The following EAF2 variants were observed in gnomAD, a reference collection of about 807,000 sequenced individuals.
EAF2 encodes ELL-associated factor 2.
A neutral mutation model predicts 29.4 loss-of-function variants in EAF2; 29 were observed. The ratio of observed to expected loss-of-function variants is 0.99; its 90% CI spans 0.73 to 1.35. The LOEUF is 1.35. Ranked by LOEUF, EAF2 falls within the 40% of genes most tolerant of loss-of-function variation. The pLI, the probability that EAF2 is intolerant of heterozygous loss-of-function variation, is 0.00. For missense variants in EAF2, 292 were observed against 312.0 expected, an observed-to-expected ratio of 0.94 and a Z score of 0.48; for synonymous variants, 103 against 102.5, an observed-to-expected ratio of 1.00 and a Z score of -0.03.
chr3:121,883,251 A>T (rs1559832316), intron 5 of EAF2, among the ~76,000 whole-genome samples: 1 of 152,188 alleles, frequency 6.6e-6, no homozygotes, highest in Non-Finnish European at 1.5e-5. Context: ...AAGTATATGC[A>T]TATATATTAA....
intron 1 of EAF2, 36 bp from the exon 2 acceptor site, chr3:121,844,417 C>T: frequency 3.2e-6 from 4 of 1,261,906 alleles, no homozygotes; most frequent in East Asian, 2.4e-5. Context: ...AATATCATTA[C>T]ATTTTACAAA....
At chr3:121,882,573 C>G (rs981469373) in intron 5 of EAF2, among the ~76,000 whole-genome samples, 7 of 151,352 alleles carry the variant, frequency 4.6e-5, no homozygotes, top group Non-Finnish European at 7.4e-5. Flanking sequence ...TACAATAAAA[C>G]AAGTAAAAGA....
chr3:121,878,399 G>A (rs1260514798), intron 5 of EAF2, among the ~76,000 whole-genome samples: 2 of 151,906 alleles, frequency 1.3e-5, no homozygotes, highest in Admixed American at 6.6e-5. Context: ...CCTTTTTGGG[G>A]GGTTAAGAAC....
At chr3:121,880,569 TTGA>T (rs1344433239) in intron 5 of EAF2, among the ~76,000 whole-genome samples, 1 of 152,156 alleles carries the variant, frequency 6.6e-6, no homozygotes, top group Non-Finnish European at 1.5e-5. Context: ...TTTTTGTATG[TTGA>T]TTTTTGTATC....
At chr3:121,851,774 TAAC>T (rs1708637266) in intron 2 of EAF2, among the ~76,000 whole-genome samples, 1 of 152,146 alleles carries the variant, frequency 6.6e-6, no homozygotes, top group Non-Finnish European at 1.5e-5. Context: ...GGGAGGAGAA[TAAC>T]AATAATCTAG....
intron 5 of EAF2, among the ~76,000 whole-genome samples, chr3:121,874,290 T>C (rs1025806188): frequency 1.3e-5 from 2 of 151,780 alleles, no homozygotes; most frequent in African/African-American, 2.4e-5. Flanking sequence ...ATTGGTAAAC[T>C]ATGGGTTAAT....
chr3:121,856,658 TTTTA>T (rs1708724203), intron 3 of EAF2, among the ~76,000 whole-genome samples: 1 of 152,218 alleles, frequency 6.6e-6, no homozygotes, highest in East Asian at 1.9e-4. Context: ...TTTTTATTAT[TTTTA>T]TACAGACAGG....
intron 1 of EAF2, chr3:121,836,724 C>G (rs1159363593): frequency 2.8e-5 from 28 of 987,460 alleles, no homozygotes; most frequent in Admixed American, 2.5e-4. Context: ...GTGTGATATG[C>G]GTCTTTATCT....
rs114755262 is a variant in EAF2 at position 121,839,104 on chromosome 3, A to G, written c.106+3713A>G. ...AAAACAGAGGTTATAGATTAATAGC[A>G]TATAGGCTGAGCTTGACTTTAGAAG... On this transcript the variant is annotated intron_variant, in intron 1 of 5. Transcript: ENST00000273668. Among the ~76,000 whole-genome samples the G allele has an allele frequency of 1.8e-3, 277 of 152,330 alleles. 1 individual carries two copies. The highest frequency in any genetic ancestry group is 6.1e-3 in the African/African-American group (252 of 41,578).
intron 4 of EAF2, among the ~76,000 whole-genome samples, chr3:121,858,253 C>G (rs1418899297): frequency 6.6e-6 from 1 of 152,276 alleles, no homozygotes; most frequent in Non-Finnish European, 1.5e-5. Context: ...ACACAGTCTT[C>G]CGCAATGGTT....
chr3:121,861,635 CTG>C (rs1444860976), intron 4 of EAF2, among the ~76,000 whole-genome samples: 1 of 152,110 alleles, frequency 6.6e-6, no homozygotes, highest in African/African-American at 2.4e-5. Context: ...ATTTGCCAGT[CTG>C]TGTCTTTTAA....
At chr3:121,843,194 G>T (rs138556405) in intron 1 of EAF2, among the ~76,000 whole-genome samples, 35 of 152,250 alleles carry the variant, frequency 2.3e-4, no homozygotes, top group African/African-American at 8.4e-4. Flanking sequence ...GTTAAGCATG[G>T]TGCCTGGCAT....
intron 4 of EAF2, among the ~76,000 whole-genome samples, chr3:121,861,299 G>A (rs1455573263): frequency 6.6e-6 from 1 of 152,124 alleles, no homozygotes; most frequent in Non-Finnish European, 1.5e-5. Context: ...TATTGTTTGG[G>A]AGTCTAAGTC....
intron 2 of EAF2, among the ~76,000 whole-genome samples, chr3:121,845,860 A>G (rs900468902): frequency 1.3e-5 from 2 of 152,182 alleles, no homozygotes; most frequent in Non-Finnish European, 2.9e-5. Context: ...GGTACCAAAT[A>G]CTATTCGCAT....
intron 1 of EAF2, among the ~76,000 whole-genome samples, chr3:121,840,972 T>C (rs1005083692): frequency 5.3e-5 from 8 of 152,074 alleles, no homozygotes; most frequent in African/African-American, 1.7e-4. Context: ...AACTTTGAAA[T>C]AGGATTCAAA....
chr3:121,847,743 T>C (rs1299637541), intron 2 of EAF2, among the ~76,000 whole-genome samples: 1 of 152,194 alleles, frequency 6.6e-6, no homozygotes, highest in Non-Finnish European at 1.5e-5. Flanking sequence ...GTTAATATTG[T>C]GTATTAAAGG....
In EAF2 at chr3:121,846,198, A is replaced by AT. The variant is rs1330524187; in HGVS notation, c.201+1657dup. ...TCCTCTCATCTGCTGTCTTTTTCTTATTTTTTATCAGTTAACCATTTATTG... is the reference window on the plus strand; with the variant it reads ...TCCTCTCATCTGCTGTCTTTTTCTTATTTTTTTATCAGTTAACCATTTATTG... On this transcript the variant is annotated intron_variant, in intron 2 of 5. Transcript: ENST00000273668. Among the ~76,000 whole-genome samples, 12 of 152,138 alleles carry AT rather than the reference A, an allele frequency of 7.9e-5. No individual in the cohort carries two copies. In the South Asian group the frequency reaches 1.5e-3, roughly 18 times the overall value.
chr3:121,857,965 C>G (rs1177237489), intron 4 of EAF2, among the ~76,000 whole-genome samples: 1 of 152,146 alleles, frequency 6.6e-6, no homozygotes, highest in Non-Finnish European at 1.5e-5. Flanking sequence ...TGATGGTTTC[C>G]AGCTTCATCC....
intron 3 of EAF2, among the ~76,000 whole-genome samples, chr3:121,855,133 T>C (rs1004874903): frequency 3.3e-5 from 5 of 152,152 alleles, no homozygotes; most frequent in African/African-American, 4.8e-5. Context: ...TCTAAAATAA[T>C]TTCATCTTCA....
Sources: allele counts gnomAD v4.1 joint callset (sites outside exome capture counted in the v4.1 genomes callset), GRCh38; gene constraint gnomAD v4.1.1; transcripts MANE v1.5; gene names NCBI Gene and HGNC (gene_info 2026-07-23, HGNC 2026-07-21).